The following TRIO variants were observed in gnomAD, a reference collection of about 807,000 sequenced individuals.
TRIO encodes the protein triple functional domain protein.
TRIO carries 58 observed loss-of-function variants against 351.9 expected under a neutral mutation model. That is an observed-to-expected ratio of 0.16 (90% confidence interval 0.13 to 0.21). The LOEUF is 0.21. TRIO is among the 10% of genes least tolerant of loss of function. The probability of loss-of-function intolerance (pLI) is 1.00; values close to 1 mark genes in which losing one functional copy is unlikely to be tolerated. For missense variants in TRIO, 3,201 were observed against 4,027.8 expected (o/e 0.79, Z 5.56); for synonymous variants, 1,758 against 1,595.7 (o/e 1.10, Z -2.42).
intron 1 of TRIO, among the ~76,000 whole-genome samples, chr5:14,155,917 A>C (rs1267928534): frequency 1.3e-5 from 2 of 152,232 alleles, no homozygotes; most frequent in East Asian, 3.8e-4. Context: ...CACCTGAATC[A>C]GTTATTAATA....
At chr5:14,364,215 C>T (rs1301661233) in intron 14 of TRIO, among the ~76,000 whole-genome samples, 1 of 152,080 alleles carries the variant, frequency 6.6e-6, no homozygotes, top group Non-Finnish European at 1.5e-5. Context: ...CCCAGGAAAA[C>T]ATTTTCACAT....
intron 55 of TRIO, 108 bp from the exon 56 acceptor site, chr5:14,507,014 T>G: frequency 7.3e-5 from 102 of 1,401,684 alleles, no homozygotes; most frequent in Non-Finnish European, 8.3e-5. Context: ...GAGATCCCGA[T>G]GACACATTCA....
rs73749085 is a variant in TRIO at position 14,364,951 on chromosome 5, T to C, written c.2754+135T>C. The C allele has an allele frequency of 6.0e-3, 7,031 of 1,172,154 alleles. 340 individuals carry two copies. In the African/African-American group the frequency reaches 0.1, roughly 17 times the overall value. The allele number at this position is 1,172,154 out of a possible 1,614,324, so 72.6% of individuals were successfully genotyped here. ...AACACAGCTTTCCTGATATGTAAGA[T>C]AATGCGCACATACACACACCCCCGC... On this transcript the variant is annotated intron_variant, in intron 15 of 56. Transcript: ENST00000344204.
intron 1 of TRIO, among the ~76,000 whole-genome samples, chr5:14,172,885 G>A (rs890500013): frequency 2.0e-5 from 3 of 152,224 alleles, no homozygotes; most frequent in African/African-American, 4.8e-5. Flanking sequence ...GATCAGAGTG[G>A]ACTCTGGAAG....
intron 33 of TRIO, among the ~76,000 whole-genome samples, chr5:14,411,987 C>T (rs1198001331): frequency 2.7e-5 from 4 of 145,600 alleles, no homozygotes; most frequent in African/African-American, 1.1e-4. Context: ...TTCTTTCTTT[C>T]TTTCTTTTTT....
intron 49 of TRIO, among the ~76,000 whole-genome samples, chr5:14,494,504 A>T (rs1201814893): frequency 2.0e-5 from 3 of 152,240 alleles, no homozygotes; most frequent in African/African-American, 7.2e-5. Flanking sequence ...TCCGATGGAG[A>T]TGTGCAAGGA....
chr5:14,300,223 A>T (rs1489769907), intron 7 of TRIO, among the ~76,000 whole-genome samples: 1 of 152,238 alleles, frequency 6.6e-6, no homozygotes. Context: ...AGATACCATT[A>T]GAATTAACAT....
Position 14,508,476 on chromosome 5 carries a change from T to C in TRIO, c.*54T>C. ...TTCACCTGCCAATCAGCTGTTAATC[T>C]GAATTTTCAAGAGAAAACAAGCAAA... On this transcript the variant is annotated 3_prime_UTR_variant, in exon 57 of 57. Coordinates refer to ENST00000344204, the MANE Select transcript of TRIO (RefSeq NM_007118.4). 1 of 1,529,758 alleles carries C rather than the reference T, an allele frequency of 6.5e-7. No homozygotes were observed. The highest frequency in any genetic ancestry group is 8.8e-7 in the Non-Finnish European group (1 of 1,140,100). 94.8% of individuals were successfully genotyped at this position (1,529,758 alleles called of 1,614,324 possible).
chr5:14,291,788 T>TAAAAAAAAAAAAAAAAAAAA (rs57424190), intron 5 of TRIO, among the ~76,000 whole-genome samples: 3 of 101,018 alleles, frequency 3.0e-5, no homozygotes, highest in African/African-American at 1.3e-4. Flanking sequence ...GACTCCGTCT[T>TAAAAAAAAAAAAAAAAAAAA]AAAAAAAAAA....
chr5:14,426,810 C>T (rs1356369763), intron 34 of TRIO, among the ~76,000 whole-genome samples: 1 of 152,106 alleles, frequency 6.6e-6, no homozygotes, highest in East Asian at 1.9e-4. Flanking sequence ...TCAGCACAGA[C>T]GGTCATGGGG....
chr5:14,493,435 G>A (rs1756640032), intron 49 of TRIO, among the ~76,000 whole-genome samples: 1 of 152,080 alleles, frequency 6.6e-6, no homozygotes, highest in Non-Finnish European at 1.5e-5. Flanking sequence ...CATGCATTTT[G>A]TTATTGTATT....
At chr5:14,452,092 T>C (rs1177876511) in intron 34 of TRIO, among the ~76,000 whole-genome samples, 1 of 152,188 alleles carries the variant, frequency 6.6e-6, no homozygotes, top group African/African-American at 2.4e-5. Context: ...CATGTGTGCA[T>C]GTTTGGCTGA....
At chr5:14,325,743 C>T (rs573648510) in intron 9 of TRIO, among the ~76,000 whole-genome samples, 1 of 152,158 alleles carries the variant, frequency 6.6e-6, no homozygotes, top group South Asian at 2.1e-4. Context: ...TCTACAAGAC[C>T]ACAAATACTG....
chr5:14,442,711 C>G (rs545842214), intron 34 of TRIO, among the ~76,000 whole-genome samples: 1 of 152,300 alleles, frequency 6.6e-6, no homozygotes, highest in African/African-American at 2.4e-5. Context: ...GGAATTCCTG[C>G]ACTGGGTGGG....
At chr5:14,146,898 C>G (rs966402172) in intron 1 of TRIO, among the ~76,000 whole-genome samples, 3 of 152,204 alleles carry the variant, frequency 2.0e-5, no homozygotes, top group African/African-American at 7.2e-5. Context: ...GCTGTCATTC[C>G]GTTCTCTGCT....
intron 47 of TRIO, among the ~76,000 whole-genome samples, chr5:14,485,819 C>G (rs1354772677): frequency 6.6e-6 from 1 of 152,162 alleles, no homozygotes; most frequent in Non-Finnish European, 1.5e-5. Context: ...AACCCTGTCT[C>G]TACTAAAAAT....
At position 14,180,599 on chromosome 5, in the gene TRIO, C is replaced by T. The variant is rs138390142; in HGVS notation, c.157+36717C>T. On this transcript the variant is annotated intron_variant, in intron 1 of 56. Coordinates refer to ENST00000344204, the MANE Select transcript of TRIO (RefSeq NM_007118.4). Reference sequence around the variant, plus strand: ...CTGTCATCCCAGCAAGTTGAGAGGCCGAGGTGGGAAGATCGCTTGAGGCCA... The same window carrying T: ...CTGTCATCCCAGCAAGTTGAGAGGCTGAGGTGGGAAGATCGCTTGAGGCCA... 3.1e-3 allele frequency among the ~76,000 whole-genome samples: 468 copies of T among 152,142 alleles called. 3 individuals are homozygous for T. The highest frequency in any genetic ancestry group is 0.011 in the African/African-American group (451 of 41,488).
Position 14,345,784 on chromosome 5 carries a change from C to T in TRIO, c.2046+9057C>T, listed in dbSNP as rs560221769. Among the ~76,000 whole-genome samples, 3 of 152,306 alleles carry T rather than the reference C, an allele frequency of 2.0e-5. No homozygotes were observed. In the South Asian group the frequency reaches 6.2e-4, roughly 32 times the overall value. On this transcript the variant is annotated intron_variant, in intron 11 of 56. Transcript: ENST00000344204. ...CAGACTCCTGACCTCAAGTGATCCA[C>T]CCACCTCAGCTTCCCAAAGTGCTGG... is the stretch of plus-strand genomic sequence containing the variant.
chr5:14,506,844 C>T (rs773063607), intron 55 of TRIO, among the ~76,000 whole-genome samples: 9 of 152,212 alleles, frequency 5.9e-5, no homozygotes, highest in African/African-American at 2.2e-4. Flanking sequence ...AGCCGGGCCA[C>T]GCCATCCCCC....
Sources: gnomAD v4.1 joint callset for allele counts (sites outside exome capture counted in the v4.1 genomes callset) on GRCh38, gnomAD v4.1.1 for gene constraint, MANE v1.5 for transcripts, NCBI Gene and HGNC (gene_info 2026-07-23, HGNC 2026-07-21) for gene names.